SDK1: variants seen among roughly 807,000 people sequenced by gnomAD.
SDK1 encodes the protein protein sidekick-1.
In SDK1, 157 loss-of-function variants were observed where a neutral mutation model predicts 245.5. The observed-to-expected ratio is 0.64, with a 90% CI of 0.56 to 0.73. SDK1 has a LOEUF of 0.73. SDK1 is among the 30% of genes least tolerant of loss of function. The pLI is 0.00. For synonymous variants in SDK1, 1,647 were observed against 1,278.5 expected (o/e 1.29, Z -6.15); for missense variants, 3,583 against 3,002.3 (o/e 1.19, Z -4.52).
At chr7:3,729,279 C>G (rs1419618525) in intron 4 of SDK1, among the ~76,000 whole-genome samples, 2 of 152,198 alleles carry the variant, frequency 1.3e-5, no homozygotes, top group Non-Finnish European at 1.5e-5. Context: ...CTATGAAGGT[C>G]TATTCTCATT....
intron 5 of SDK1, among the ~76,000 whole-genome samples, chr7:3,911,236 T>A (rs1779152843): frequency 6.6e-6 from 1 of 152,188 alleles, no homozygotes; most frequent in African/African-American, 2.4e-5. Flanking sequence ...TGGCTGAATT[T>A]AAAACCCATG....
At position 3,687,834 on chromosome 7, in the gene SDK1, G is replaced by A. The variant is rs532891544; in HGVS notation, c.713+45729G>A. Reference sequence around the variant, plus strand: ...GTTAATGTCGTATCCTGCTCACAGTGCTGTTCTATACTTCCGTAAGCTGTC... The same window carrying A: ...GTTAATGTCGTATCCTGCTCACAGTACTGTTCTATACTTCCGTAAGCTGTC... On this transcript the variant is annotated intron_variant, in intron 4 of 44. Transcript: ENST00000404826. Among the ~76,000 whole-genome samples, 4 of 152,268 alleles carry A rather than the reference G, an allele frequency of 2.6e-5. No individual in the cohort carries two copies. The South Asian group carries it at 8.3e-4, about 32-fold the overall frequency.
At chr7:3,439,462 A>T (rs1182413700) in intron 1 of SDK1, among the ~76,000 whole-genome samples, 1 of 152,122 alleles carries the variant, frequency 6.6e-6, no homozygotes, top group Non-Finnish European at 1.5e-5. Context: ...GGTTTGGTCA[A>T]CCTTTCCTAA....
chr7:3,469,803 A>T (rs1781125378), intron 1 of SDK1, among the ~76,000 whole-genome samples: 1 of 152,188 alleles, frequency 6.6e-6, no homozygotes, highest in Non-Finnish European at 1.5e-5. Context: ...TTAAGAATAA[A>T]TCTGTCAGGC....
At chr7:3,560,295 T>C (rs771258586) in intron 1 of SDK1, among the ~76,000 whole-genome samples, 1 of 152,246 alleles carries the variant, frequency 6.6e-6, no homozygotes, top group Non-Finnish European at 1.5e-5. Context: ...GTACTGTCTA[T>C]ATGCTGATGA....
At chr7:3,331,838 T>C (rs985745563) in intron 1 of SDK1, among the ~76,000 whole-genome samples, 1 of 152,222 alleles carries the variant, frequency 6.6e-6, no homozygotes, top group African/African-American at 2.4e-5. Context: ...CTTTCAGATG[T>C]GTTATTTGGA....
chr7:3,845,813 A>G (rs10479833), intron 5 of SDK1, among the ~76,000 whole-genome samples: 2 of 151,894 alleles, frequency 1.3e-5, no homozygotes, highest in African/African-American at 4.8e-5. Flanking sequence ...AGTAAAATAA[A>G]ATTTGAGTGA....
At chr7:3,682,722 GTT>G (rs67113946) in intron 4 of SDK1, among the ~76,000 whole-genome samples, 122,576 of 149,236 alleles carry the variant, frequency 0.82, 50,405 homozygotes, top group Non-Finnish European at 0.86. Context: ...TGGATTTACA[GTT>G]TTTTTTTTTT....
intron 35 of SDK1, among the ~76,000 whole-genome samples, chr7:4,187,977 A>T (rs1223642474): frequency 6.6e-6 from 1 of 152,202 alleles, no homozygotes; most frequent in African/African-American, 2.4e-5. Flanking sequence ...CACGTCTTAA[A>T]TGGTGGCAGG....
chr7:3,970,345 G>A (rs1162004581), intron 11 of SDK1, among the ~76,000 whole-genome samples: 2 of 152,172 alleles, frequency 1.3e-5, no homozygotes, highest in Non-Finnish European at 2.9e-5. Flanking sequence ...TTCCTAATTT[G>A]TAAAATGATC....
chr7:3,599,040 G>C (rs566624812), intron 1 of SDK1, among the ~76,000 whole-genome samples: 1 of 148,596 alleles, frequency 6.7e-6, no homozygotes, highest in East Asian at 2.0e-4. Context: ...CTGGTTTCCA[G>C]AGTGTCTATA....
chr7:3,892,474 C>T (rs145365576), intron 5 of SDK1, among the ~76,000 whole-genome samples: 159 of 152,250 alleles, frequency 1.0e-3, no homozygotes, highest in African/African-American at 3.7e-3. Context: ...GCAGCCGTCC[C>T]CTCCTCCCAC....
At chr7:3,884,713 A>G (rs997705556) in intron 5 of SDK1, among the ~76,000 whole-genome samples, 1 of 152,224 alleles carries the variant, frequency 6.6e-6, no homozygotes, top group Non-Finnish European at 1.5e-5. Context: ...GCTCCCAGGA[A>G]CTACAGCTAT....
At chr7:3,595,252 T>C (rs561336269) in intron 1 of SDK1, among the ~76,000 whole-genome samples, 1 of 152,236 alleles carries the variant, frequency 6.6e-6, no homozygotes, top group East Asian at 1.9e-4. Flanking sequence ...TATATATTCA[T>C]TTATATACTT....
At chr7:3,894,105 C>A (rs1781532259) in intron 5 of SDK1, among the ~76,000 whole-genome samples, 1 of 152,140 alleles carries the variant, frequency 6.6e-6, no homozygotes, top group African/African-American at 2.4e-5. Flanking sequence ...GTACTTCATG[C>A]TTGAAGCTTT....
intron 4 of SDK1, among the ~76,000 whole-genome samples, chr7:3,688,225 A>G (rs1228986396): frequency 1.3e-5 from 2 of 152,320 alleles, no homozygotes; most frequent in East Asian, 3.9e-4. Flanking sequence ...TAGGAGTGTT[A>G]CAAGCCTGTC....
chr7:4,013,490 AG>A (rs1328586985), intron 16 of SDK1, among the ~76,000 whole-genome samples: 2 of 152,332 alleles, frequency 1.3e-5, no homozygotes, highest in African/African-American at 4.8e-5. Context: ...TGGCTAACAA[AG>A]GTCTTCAGCA....
At chr7:4,128,622 A>T (rs1347856232) in intron 26 of SDK1, among the ~76,000 whole-genome samples, 1 of 137,764 alleles carries the variant, frequency 7.3e-6, no homozygotes, top group Non-Finnish European at 1.5e-5. Flanking sequence ...GGAGGAGAGC[A>T]GCTTGGGGTT....
intron 1 of SDK1, among the ~76,000 whole-genome samples, chr7:3,501,276 C>T (rs1782203407): frequency 6.6e-6 from 1 of 151,926 alleles, no homozygotes; most frequent in South Asian, 2.1e-4. Context: ...GGGAAGACTC[C>T]TTCAGTTTTC....
Sources: allele counts gnomAD v4.1 joint callset (sites outside exome capture counted in the v4.1 genomes callset), GRCh38; gene constraint gnomAD v4.1.1; transcripts MANE v1.5; gene names NCBI Gene and HGNC (gene_info 2026-07-23, HGNC 2026-07-21).